MGAT5: variants seen among roughly 807,000 people sequenced by gnomAD.
The protein encoded by MGAT5 is alpha-1,6-mannosylglycoprotein 6-beta-N-acetylglucosaminyltransferase.
In MGAT5, 30 loss-of-function variants were observed where a neutral mutation model predicts 94.3. That is an observed-to-expected ratio of 0.32 (90% CI 0.24 to 0.43). The LOEUF is 0.43. Ranked by LOEUF, MGAT5 falls within the 20% of genes least tolerant of loss-of-function variation. The pLI, the probability that MGAT5 is intolerant of heterozygous loss-of-function variation, is 1.00. For missense variants in MGAT5, 691 were observed against 905.5 expected (o/e 0.76, Z 3.04); for synonymous variants, 310 against 322.9 (o/e 0.96, Z 0.43).
rs1349971015 is a variant in MGAT5 at position 134,402,969 on chromosome 2, T to C, written c.1381-19T>C. On this transcript the variant is annotated intron_variant, in intron 10 of 15. Transcript: ENST00000281923. ...ATGAAAGAAAAAGAGAAATGTCTTG[T>C]GCTTGTTTTCTTCTTTAGAATAAGA... is the stretch of plus-strand genomic sequence containing the variant. 1 of 1,576,634 alleles carries C rather than the reference T, an allele frequency of 6.3e-7. No homozygotes were observed. The highest frequency in any genetic ancestry group is 8.6e-7 in the Non-Finnish European group (1 of 1,165,462).
At chr2:134,371,366 A>G (rs183136744) in intron 10 of MGAT5, among the ~76,000 whole-genome samples, 56 of 152,254 alleles carry the variant, frequency 3.7e-4, no homozygotes, top group Non-Finnish European at 6.8e-4. Flanking sequence ...TTAAAAGTCT[A>G]TCAAGTTTTG....
chr2:134,217,238 GGTGTGT>G lies in MGAT5; in HGVS notation c.-142-36997_-142-36992del, dbSNP rs35795776. On this transcript the variant is annotated intron_variant, in intron 1 of 16. Transcript: ENST00000409645. ...GAGTGGGGTCTGAGGGAGAGAGAGT[GGTGTGT>G]GTGTGTGTGTGTGTGTGTGTGTGTG... Among the ~76,000 whole-genome samples, 38 of 145,224 alleles carry G rather than the reference GGTGTGT, an allele frequency of 2.6e-4. No individual in the cohort carries two copies. The Middle Eastern group carries it at 0.01, about 40-fold the overall frequency.
chr2:134,230,790 A>G (rs1382564115), intron 1 of MGAT5, among the ~76,000 whole-genome samples: 3 of 150,910 alleles, frequency 2.0e-5, no homozygotes, highest in Admixed American at 1.3e-4. Context: ...TGACCCAGTA[A>G]TTCTACTCGT....
chr2:134,246,055 A>C (rs1316124524), intron 1 of MGAT5, among the ~76,000 whole-genome samples: 1 of 151,962 alleles, frequency 6.6e-6, no homozygotes, highest in Non-Finnish European at 1.5e-5. Flanking sequence ...AAGATAGCAA[A>C]GGTGTGTTGT....
chr2:134,308,112 C>G (rs1217737679), intron 2 of MGAT5, among the ~76,000 whole-genome samples: 1 of 152,112 alleles, frequency 6.6e-6, no homozygotes. Context: ...GAGGCTCAAT[C>G]GAGTAATCGG....
At chr2:134,182,650 C>CCGGTCA (rs1443088742) in intron 1 of MGAT5, among the ~76,000 whole-genome samples, 12 of 152,150 alleles carry the variant, frequency 7.9e-5, no homozygotes, top group Non-Finnish European at 1.3e-4. Context: ...GTTCCCGTTT[C>CCGGTCA]CGGTCACTGT....
chr2:134,127,176 C>G, intron 1 of MGAT5: 1 of 154,844 alleles, frequency 6.5e-6, no homozygotes, highest in Middle Eastern at 5.2e-4. Flanking sequence ...CCCTTCCCCC[C>G]AGTAATCTTC....
chr2:134,136,828 C>A (rs1686432391), intron 1 of MGAT5, among the ~76,000 whole-genome samples: 1 of 152,248 alleles, frequency 6.6e-6, no homozygotes, highest in South Asian at 2.1e-4. Flanking sequence ...TGGGCTTTCT[C>A]CAAGGCTGTC....
intron 10 of MGAT5, among the ~76,000 whole-genome samples, chr2:134,399,391 A>G (rs184366406): frequency 1.3e-3 from 194 of 152,352 alleles, no homozygotes; most frequent in African/African-American, 4.3e-3. Flanking sequence ...AACCATAAAC[A>G]GCTGAAGAGA....
In MGAT5 at chr2:134,279,349, TAAG is replaced by T. The variant is rs572529952; in HGVS notation, c.406+8802_406+8804del. ...ACTTTTGAAAACTGAGATTCCATAA[TAAG>T]AATTTATTTTGTGTTTCTTGGTGGC... On this transcript the variant is annotated intron_variant, in intron 2 of 15. Coordinates refer to ENST00000281923, the MANE Select transcript of MGAT5 (RefSeq NM_002410.5). 1.2e-4 allele frequency among the ~76,000 whole-genome samples: 19 copies of T among 152,272 alleles called. No individual in the cohort carries two copies. The East Asian group carries it at 3.7e-3, about 29-fold the overall frequency.
intron 2 of MGAT5, among the ~76,000 whole-genome samples, chr2:134,306,780 T>TTAATCACA (rs1686355193): frequency 6.6e-6 from 1 of 152,140 alleles, no homozygotes; most frequent in Non-Finnish European, 1.5e-5. Context: ...TCAGCTTATG[T>TTAATCACA]GATTAATAAA....
intron 1 of MGAT5, among the ~76,000 whole-genome samples, chr2:134,197,294 A>G (rs1277420094): frequency 2.6e-5 from 4 of 152,206 alleles, no homozygotes; most frequent in African/African-American, 9.6e-5. Context: ...TAGCTCAGGA[A>G]GGGCCTTCTA....
At chr2:134,415,999 C>G (rs16830574) in intron 12 of MGAT5, among the ~76,000 whole-genome samples, 20,278 of 152,128 alleles carry the variant, frequency 0.13, 1,808 homozygotes, top group East Asian at 0.29. Context: ...TTGAAATTAG[C>G]TCTAGGAAAT....
intron 2 of MGAT5, among the ~76,000 whole-genome samples, chr2:134,281,390 T>C (rs901565075): frequency 3.3e-5 from 5 of 152,182 alleles, no homozygotes; most frequent in Non-Finnish European, 7.4e-5. Context: ...CTAGGGCTCC[T>C]TTTGGGAATG....
chr2:134,308,840 G>C (rs58031977), intron 2 of MGAT5, among the ~76,000 whole-genome samples: 4,081 of 152,214 alleles, frequency 0.027, 175 homozygotes, highest in East Asian at 0.1. Context: ...TTTGAGACCA[G>C]CCTGGGCAAC....
rs541799132 is a variant in MGAT5 at position 134,343,825 on chromosome 2, A to G, written c.978-1105A>G. On this transcript the variant is annotated intron_variant, in intron 7 of 15. Coordinates refer to ENST00000281923, the MANE Select transcript of MGAT5 (RefSeq NM_002410.5). ...CAGCCATGCCTATTGTTTACGTATCATATATAGCTGTCTTCATTCCACAAC... is the reference window on the plus strand; with the variant it reads ...CAGCCATGCCTATTGTTTACGTATCGTATATAGCTGTCTTCATTCCACAAC... Among the ~76,000 whole-genome samples the G allele has an allele frequency of 1.6e-4, 24 of 152,304 alleles. No individual in the cohort carries two copies. The South Asian group carries it at 3.3e-3, about 21-fold the overall frequency.
chr2:134,347,931 G>A (rs1167065211), intron 8 of MGAT5, among the ~76,000 whole-genome samples: 1 of 152,146 alleles, frequency 6.6e-6, no homozygotes, highest in Non-Finnish European at 1.5e-5. Flanking sequence ...TAGTGCTGGT[G>A]AATCCCAGCT....
At chr2:134,137,179 CAGCACTCTAAGAAAT>C (rs1371819066) in intron 1 of MGAT5, among the ~76,000 whole-genome samples, 2 of 152,198 alleles carry the variant, frequency 1.3e-5, no homozygotes, top group Non-Finnish European at 2.9e-5. Context: ...TCATCGACAA[CAGCACTCTAAGAAAT>C]AGGTCTCTGC....
Position 134,161,116 on chromosome 2 carries a change from G to A in MGAT5, c.-143+40825G>A, listed in dbSNP as rs1464934980. On this transcript the variant is annotated intron_variant, in intron 1 of 16. Coordinates refer to the MGAT5 transcript ENST00000409645. ...CTGCACTATTTGCCAGTGGTTGTGC[G>A]TTTGCAGCTCTTTACAGGATATATA... is the stretch of plus-strand genomic sequence containing the variant. Among the ~76,000 whole-genome samples, 7 of 152,248 alleles carry A rather than the reference G, an allele frequency of 4.6e-5. No individual in the cohort carries two copies. In the East Asian group the frequency reaches 7.7e-4, roughly 17 times the overall value.
Sources: gnomAD v4.1 joint callset for allele counts (sites outside exome capture counted in the v4.1 genomes callset) on GRCh38, gnomAD v4.1.1 for gene constraint, MANE v1.5 for transcripts, NCBI Gene and HGNC (gene_info 2026-07-23, HGNC 2026-07-21) for gene names.